Variants in EYS observed in about 807,000 individuals in gnomAD.
EYS encodes EGF-like photoreceptor maintenance factor, also known as protein eyes shut homolog.
Under a neutral mutation model 282.1 loss-of-function variants are expected in EYS, and 250 were observed. That is an observed-to-expected ratio of 0.89 (90% CI 0.80 to 0.98). The LOEUF is 0.98. Among genes scored for constraint, EYS ranks in the 50% least tolerant of loss-of-function variants. The pLI, the probability that EYS is intolerant of heterozygous loss-of-function variation, is 0.00. For synonymous variants in EYS, 1,355 were observed against 1,282.9 expected (o/e 1.06, Z -1.20); for missense variants, 4,016 against 3,709.0 (o/e 1.08, Z -2.15).
At chr6:65,357,862 AT>A (rs5876959) in intron 8 of EYS, among the ~76,000 whole-genome samples, 30,477 of 151,520 alleles carry the variant, frequency 0.2, 3,842 homozygotes, top group Non-Finnish European at 0.27. Context: ...CTAAAACACT[AT>A]TTTTTTTCGT....
rs1019974397 is a variant in EYS at position 64,449,120 on chromosome 6, C to T, written c.5645-9768G>A. Reference sequence around the variant, plus strand: ...ATAAAAACTTTAAAAAAAAATTAGACGAATGGATAACTAGAATAACCAATG... The same window carrying T: ...ATAAAAACTTTAAAAAAAAATTAGATGAATGGATAACTAGAATAACCAATG... On this transcript the variant is annotated intron_variant, in intron 26 of 42. Transcript: ENST00000503581. Among the ~76,000 whole-genome samples the T allele has an allele frequency of 3.9e-5, 6 of 152,120 alleles. 1 individual carries two copies. Among genetic ancestry groups the T allele is most frequent in the South Asian group, 4.2e-4 (2 of 4,818 alleles).
At chr6:65,213,554 T>C (rs1007322412) in intron 12 of EYS, among the ~76,000 whole-genome samples, 1 of 152,148 alleles carries the variant, frequency 6.6e-6, no homozygotes, top group Non-Finnish European at 1.5e-5. Flanking sequence ...CATTATTATT[T>C]TATCTGTTAT....
At chr6:65,186,152 G>A (rs547272967) in intron 12 of EYS, among the ~76,000 whole-genome samples, 1 of 151,660 alleles carries the variant, frequency 6.6e-6, no homozygotes, top group African/African-American at 2.4e-5. Flanking sequence ...CTGATTATTG[G>A]GGATATATTA....
intron 5 of EYS, among the ~76,000 whole-genome samples, chr6:65,439,560 T>C (rs1768224109): frequency 6.6e-6 from 1 of 152,166 alleles, no homozygotes; most frequent in South Asian, 2.1e-4. Context: ...GAAGAGGTCC[T>C]CCACATCCCT....
In EYS at chr6:64,300,628, G is replaced by A. The variant is rs531914050; in HGVS notation, c.6191+6342C>T. ...AACAATCAAACAGCCCCTGGAATTC[G>A]CCCATTTTTGTCATTCCCAAAAAGT... On this transcript the variant is annotated intron_variant, in intron 30 of 42. Coordinates refer to ENST00000503581, the MANE Select transcript of EYS (RefSeq NM_001142800.2). 2.8e-4 allele frequency among the ~76,000 whole-genome samples: 43 copies of A among 152,186 alleles called. 1 individual carries two copies. In the South Asian group the frequency reaches 7.9e-3, roughly 28 times the overall value.
chr6:63,981,087 A>C (rs1767067067), intron 35 of EYS, among the ~76,000 whole-genome samples: 1 of 151,744 alleles, frequency 6.6e-6, no homozygotes, highest in Non-Finnish European at 1.5e-5. Context: ...GGTTATGGTG[A>C]TGGCCCTCTG....
intron 19 of EYS, among the ~76,000 whole-genome samples, chr6:64,860,972 C>T (rs980459369): frequency 2.6e-5 from 4 of 152,154 alleles, no homozygotes; most frequent in Non-Finnish European, 2.9e-5. Flanking sequence ...CTATGGGTGG[C>T]TATGGGCAGG....
At chr6:64,838,615 T>A (rs1370672009) in intron 19 of EYS, among the ~76,000 whole-genome samples, 3 of 69,842 alleles carry the variant, frequency 4.3e-5, no homozygotes, top group African/African-American at 1.5e-4. Flanking sequence ...TTTCTGTTTC[T>A]CTACACACAC....
At chr6:64,684,527 C>A (rs1466351564) in intron 22 of EYS, among the ~76,000 whole-genome samples, 1 of 151,476 alleles carries the variant, frequency 6.6e-6, no homozygotes, top group Non-Finnish European at 1.5e-5. Flanking sequence ...CTTATATTTT[C>A]TCCTTATTTT....
At chr6:64,621,491 A>G (rs947963288) in intron 23 of EYS, among the ~76,000 whole-genome samples, 2 of 152,190 alleles carry the variant, frequency 1.3e-5, no homozygotes, top group African/African-American at 2.4e-5. Context: ...TTTTACATGT[A>G]CACCCTCATG....
intron 8 of EYS, among the ~76,000 whole-genome samples, chr6:65,362,998 A>G (rs552972115): frequency 7.9e-4 from 120 of 152,192 alleles, no homozygotes; most frequent in Middle Eastern, 6.8e-3. Flanking sequence ...AAATGATCTG[A>G]TTGCATTTAG....
At chr6:64,391,081 A>G (rs1773116294) in intron 28 of EYS, among the ~76,000 whole-genome samples, 1 of 152,184 alleles carries the variant, frequency 6.6e-6, no homozygotes, top group Admixed American at 6.5e-5. Flanking sequence ...GAGAAAAAAG[A>G]ATAAAAAGAA....
chr6:65,611,466 G>A (rs1489680348), intron 2 of EYS, among the ~76,000 whole-genome samples: 1 of 151,850 alleles, frequency 6.6e-6, no homozygotes, highest in Non-Finnish European at 1.5e-5. Context: ...AATTTTCTTA[G>A]TTTTATGTTT....
At chr6:65,512,579 A>G (rs1248223077) in intron 2 of EYS, among the ~76,000 whole-genome samples, 2 of 152,106 alleles carry the variant, frequency 1.3e-5, no homozygotes, top group Non-Finnish European at 2.9e-5. Context: ...CAGAAATTAT[A>G]ACAAACTGTC....
intron 36 of EYS, among the ~76,000 whole-genome samples, chr6:63,830,717 T>G (rs1054904321): frequency 1.3e-5 from 2 of 152,024 alleles, no homozygotes; most frequent in Non-Finnish European, 2.9e-5. Context: ...TACAGAGAAC[T>G]CCACAAAGAT....
chr6:65,206,518 C>T (rs1216724664), intron 12 of EYS, among the ~76,000 whole-genome samples: 2 of 151,698 alleles, frequency 1.3e-5, no homozygotes, highest in African/African-American at 2.4e-5. Flanking sequence ...GGGATTCCTC[C>T]CTAACTCATT....
chr6:64,717,267 G>A (rs1771428658), intron 22 of EYS, among the ~76,000 whole-genome samples: 1 of 152,178 alleles, frequency 6.6e-6, no homozygotes. Context: ...TTTGATATGA[G>A]TCTGCAAGCA....
chr6:65,286,721 G>T (rs1768377613), intron 12 of EYS, among the ~76,000 whole-genome samples: 1 of 151,590 alleles, frequency 6.6e-6, no homozygotes, highest in Non-Finnish European at 1.5e-5. Context: ...TCAGTGATAT[G>T]CCACTTAGTT....
At chr6:65,270,525 C>G (rs1767870090) in intron 12 of EYS, among the ~76,000 whole-genome samples, 1 of 152,116 alleles carries the variant, frequency 6.6e-6, no homozygotes, top group Non-Finnish European at 1.5e-5. Context: ...AACACACTTT[C>G]TCATTTTTTT....
Sources: allele counts gnomAD v4.1 joint callset (sites outside exome capture counted in the v4.1 genomes callset), GRCh38; gene constraint gnomAD v4.1.1; transcripts MANE v1.5; gene names NCBI Gene and HGNC (gene_info 2026-07-23, HGNC 2026-07-21).